Variants in ST6GALNAC3 observed in about 807,000 individuals in gnomAD.
The protein encoded by ST6GALNAC3 is ST6 N-acetylgalactosaminide alpha-2,6-sialyltransferase 3.
Under a neutral mutation model 32.7 loss-of-function variants are expected in ST6GALNAC3, and 25 were observed. The ratio of observed to expected loss-of-function variants is 0.76; its 90% CI spans 0.56 to 1.07. The LOEUF (loss-of-function observed/expected upper bound fraction) is 1.07, where lower values mean the gene tolerates loss of function less well. Ranked by LOEUF, ST6GALNAC3 falls within the 50% of genes least tolerant of loss-of-function variation. The probability of loss-of-function intolerance (pLI) is 0.00; values close to 1 mark genes in which losing one functional copy is unlikely to be tolerated. For missense variants in ST6GALNAC3, 355 were observed against 382.4 expected, an observed-to-expected ratio of 0.93 and a Z score of 0.60; for synonymous variants, 129 against 133.1, an observed-to-expected ratio of 0.97 and a Z score of 0.21.
intron 3 of ST6GALNAC3, among the ~76,000 whole-genome samples, chr1:76,590,858 G>A (rs530898280): frequency 6.6e-6 from 1 of 151,958 alleles, no homozygotes; most frequent in Non-Finnish European, 1.5e-5. Flanking sequence ...GGCTCACCTT[G>A]GTTGGTTATT....
chr1:76,497,798 C>T (rs1660945415), intron 3 of ST6GALNAC3, among the ~76,000 whole-genome samples: 1 of 152,168 alleles, frequency 6.6e-6, no homozygotes, highest in South Asian at 2.1e-4. Context: ...CGGCTGAAGA[C>T]TGATATCTCA....
At chr1:76,178,504 G>C (rs1477643587) in intron 1 of ST6GALNAC3, among the ~76,000 whole-genome samples, 1 of 152,198 alleles carries the variant, frequency 6.6e-6, no homozygotes, top group Non-Finnish European at 1.5e-5. Flanking sequence ...TTTGGAATCT[G>C]ACTGATGTCT....
At chr1:76,246,872 G>A (rs1353763448) in intron 1 of ST6GALNAC3, among the ~76,000 whole-genome samples, 1 of 152,134 alleles carries the variant, frequency 6.6e-6, no homozygotes, top group African/African-American at 2.4e-5. Flanking sequence ...ATATTTAGAG[G>A]AGAAGTGGAA....
intron 2 of ST6GALNAC3, among the ~76,000 whole-genome samples, chr1:76,319,165 CT>C (rs2100915355): frequency 6.6e-6 from 1 of 152,226 alleles, no homozygotes; most frequent in African/African-American, 2.4e-5. Flanking sequence ...GGATCTTCCC[CT>C]TAAGATGCTG....
chr1:76,480,252 T>C (rs182385021), intron 3 of ST6GALNAC3, among the ~76,000 whole-genome samples: 3 of 152,202 alleles, frequency 2.0e-5, no homozygotes, highest in African/African-American at 2.4e-5. Context: ...TCATTTGAAA[T>C]TCATTTTTCC....
At chr1:76,256,226 G>A (rs1657911913) in intron 1 of ST6GALNAC3, among the ~76,000 whole-genome samples, 1 of 152,094 alleles carries the variant, frequency 6.6e-6, no homozygotes, top group Admixed American at 6.6e-5. Flanking sequence ...AAGAAGAAAA[G>A]AAAAGTAATG....
intron 1 of ST6GALNAC3, among the ~76,000 whole-genome samples, chr1:76,261,268 C>G (rs1398474164): frequency 6.6e-6 from 1 of 152,122 alleles, no homozygotes; most frequent in Non-Finnish European, 1.5e-5. Flanking sequence ...ATTCAATTAG[C>G]CTTTTGTTGA....
intron 1 of ST6GALNAC3, among the ~76,000 whole-genome samples, chr1:76,200,489 C>T (rs1382349378): frequency 6.6e-6 from 1 of 152,106 alleles, no homozygotes; most frequent in Non-Finnish European, 1.5e-5. Context: ...TTTCAACCAG[C>T]TCAGATGGTT....
At chr1:76,228,330 A>T (rs1213188086) in intron 1 of ST6GALNAC3, among the ~76,000 whole-genome samples, 9 of 152,330 alleles carry the variant, frequency 5.9e-5, no homozygotes, top group African/African-American at 2.2e-4. Context: ...TCACACACTT[A>T]TTCATATATT....
chr1:76,358,360 A>T (rs1557819826), intron 2 of ST6GALNAC3, among the ~76,000 whole-genome samples: 2 of 152,096 alleles, frequency 1.3e-5, no homozygotes, highest in East Asian at 3.8e-4. Flanking sequence ...AACTCACGAA[A>T]CCTTTCCACA....
chr1:76,453,804 G>A (rs1657576052), intron 3 of ST6GALNAC3, among the ~76,000 whole-genome samples: 1 of 152,072 alleles, frequency 6.6e-6, no homozygotes, highest in Admixed American at 6.6e-5. Flanking sequence ...ATTTGTTCTA[G>A]GGTGTAGTTT....
chr1:76,440,073 A>G (rs951155352), intron 3 of ST6GALNAC3, among the ~76,000 whole-genome samples: 1 of 152,186 alleles, frequency 6.6e-6, no homozygotes, highest in Non-Finnish European at 1.5e-5. Flanking sequence ...ACAAGAGAAT[A>G]TAATTATATT....
chr1:76,335,493 C>G (rs548519488), intron 2 of ST6GALNAC3, among the ~76,000 whole-genome samples: 1 of 152,012 alleles, frequency 6.6e-6, no homozygotes, highest in South Asian at 2.1e-4. Flanking sequence ...TTTAGACACA[C>G]CAGTGAACCT....
At chr1:76,425,256 G>A (rs1349270829) in intron 3 of ST6GALNAC3, among the ~76,000 whole-genome samples, 2 of 151,850 alleles carry the variant, frequency 1.3e-5, no homozygotes, top group Non-Finnish European at 2.9e-5. Context: ...TCTGTATAGC[G>A]CCTATGCAAA....
intron 2 of ST6GALNAC3, among the ~76,000 whole-genome samples, chr1:76,338,679 C>G (rs982478450): frequency 1.3e-5 from 2 of 152,170 alleles, no homozygotes; most frequent in South Asian, 2.1e-4. Context: ...CTAAGTAGAC[C>G]TACAAAGCAA....
At chr1:76,297,963 G>A (rs1426570548) in intron 1 of ST6GALNAC3, among the ~76,000 whole-genome samples, 1 of 151,764 alleles carries the variant, frequency 6.6e-6, no homozygotes. Context: ...AAAAACTTAA[G>A]TTTTGTACAG....
chr1:76,508,986 C>T (rs762491323), intron 3 of ST6GALNAC3, among the ~76,000 whole-genome samples: 1 of 152,104 alleles, frequency 6.6e-6, no homozygotes, highest in Non-Finnish European at 1.5e-5. Context: ...AAATACTTTA[C>T]CAAGTAGGAC....
intron 3 of ST6GALNAC3, among the ~76,000 whole-genome samples, chr1:76,587,684 T>C (rs2100570236): frequency 6.6e-6 from 1 of 152,294 alleles, no homozygotes; most frequent in South Asian, 2.1e-4. Context: ...AAGCATCCCG[T>C]CAAGTTCTGG....
intron 1 of ST6GALNAC3, among the ~76,000 whole-genome samples, chr1:76,308,688 T>G (rs1661215211): frequency 6.6e-6 from 1 of 152,152 alleles, no homozygotes; most frequent in African/African-American, 2.4e-5. Flanking sequence ...TCAAACAACT[T>G]GAAACACGGC....
Sources: gnomAD v4.1 joint callset for allele counts (sites outside exome capture counted in the v4.1 genomes callset) on GRCh38, gnomAD v4.1.1 for gene constraint, MANE v1.5 for transcripts, NCBI Gene and HGNC (gene_info 2026-07-23, HGNC 2026-07-21) for gene names.